The following EDNRA variants were observed in gnomAD, a reference collection of about 807,000 sequenced individuals.
EDNRA encodes endothelin receptor type A, also known as endothelin-1 receptor.
A neutral mutation model predicts 41.4 loss-of-function variants in EDNRA; 11 were observed. The observed-to-expected ratio is 0.27, with a 90% CI of 0.17 to 0.44. EDNRA has a LOEUF of 0.44. Ranked by LOEUF, EDNRA falls within the 20% of genes least tolerant of loss-of-function variation. EDNRA has a pLI of 1.00. For missense variants in EDNRA, 294 were observed against 531.0 expected (o/e 0.55, Z 4.39); for synonymous variants, 172 against 183.0 (o/e 0.94, Z 0.49).
chr4:147,518,782 A>C (rs1233786058), intron 2 of EDNRA, among the ~76,000 whole-genome samples: 1 of 152,238 alleles, frequency 6.6e-6, no homozygotes, highest in African/African-American at 2.4e-5. Flanking sequence ...TTGTCAAGTT[A>C]GTAGGATACT....
chr4:147,536,682 C>T (rs1730932695), intron 5 of EDNRA, among the ~76,000 whole-genome samples: 1 of 152,162 alleles, frequency 6.6e-6, no homozygotes, highest in Non-Finnish European at 1.5e-5. Context: ...TAATGTGAGA[C>T]TTATGCTAGG....
At chr4:147,527,316 A>T (rs1384121522) in intron 3 of EDNRA, among the ~76,000 whole-genome samples, 4 of 152,226 alleles carry the variant, frequency 2.6e-5, no homozygotes, top group African/African-American at 9.6e-5. Flanking sequence ...CAGCTGTGAA[A>T]CACTAGAAAT....
At position 147,519,217 on chromosome 4, in the gene EDNRA, A is replaced by G. The variant is rs1378046509; in HGVS notation, c.421-634A>G. 1.3e-5 allele frequency among the ~76,000 whole-genome samples: 2 copies of G among 152,242 alleles called. No individual in the cohort carries two copies. The highest frequency in any genetic ancestry group is 2.9e-5 in the Non-Finnish European group (2 of 68,040). On this transcript the variant is annotated intron_variant, in intron 2 of 7. Transcript: ENST00000651419. This position sits in a 1 kb window ranked among gnomAD's most constrained non-coding sequence, Gnocchi z 4.1. ...GTCAGCCCCTTAAGCACAGAGGAAA[A>G]TGTAAGTTCAAAGTGGCTTTAGGTG...
rs1283271166 is a variant in EDNRA, at chr4:147,519,533, CTATAA to C, written c.421-313_421-309del. Among the ~76,000 whole-genome samples the C allele has an allele frequency of 7.4e-5, 11 of 148,786 alleles. No homozygotes were observed. In the East Asian group the frequency reaches 1.6e-3, roughly 21 times the overall value. ...TCTGTTATTAAATTGTATTATATAA[CTATAA>C]TATATTTAATATATATGTATTATAT... On this transcript the variant is annotated intron_variant, in intron 2 of 7. Coordinates refer to ENST00000651419, the MANE Select transcript of EDNRA (RefSeq NM_001957.4). This position sits in a 1 kb window ranked among gnomAD's most constrained non-coding sequence, Gnocchi z 4.1.
intron 5 of EDNRA, among the ~76,000 whole-genome samples, chr4:147,536,685 A>T (rs1730932891): frequency 6.6e-6 from 1 of 152,232 alleles, no homozygotes; most frequent in African/African-American, 2.4e-5. Flanking sequence ...TGTGAGACTT[A>T]TGCTAGGAAA....
intron 2 of EDNRA, chr4:147,489,959 C>G (rs755005241): frequency 6.6e-6 from 1 of 152,108 alleles, no homozygotes; most frequent in Non-Finnish European, 1.5e-5. Flanking sequence ...ATCACTACCC[C>G]CAAGGAACAT....
At chr4:147,522,752 ACT>A (rs2126453778) in intron 3 of EDNRA, among the ~76,000 whole-genome samples, 1 of 152,250 alleles carries the variant, frequency 6.6e-6, no homozygotes, top group South Asian at 2.1e-4. Flanking sequence ...AGAAAGCCAA[ACT>A]CTGAATAATA....
intron 5 of EDNRA, 30 bp from the exon 6 acceptor site, chr4:147,539,787 T>A (rs775653525): frequency 6.3e-7 from 1 of 1,599,360 alleles, no homozygotes; most frequent in South Asian, 1.1e-5. Context: ...ACTAAATTTG[T>A]TGTCCTATTT....
At chr4:147,529,574 T>G (rs1730674207) in intron 3 of EDNRA, among the ~76,000 whole-genome samples, 1 of 152,100 alleles carries the variant, frequency 6.6e-6, no homozygotes, top group African/African-American at 2.4e-5. Context: ...GGAAATCAAG[T>G]GAAGAAAGCA....
chr4:147,540,359 C>T lies in EDNRA; in HGVS notation c.1035-18C>T, dbSNP rs1351410027. ...ACAATATATTCTAATTATTCTACACCATTTTCTTTTGCTCTAGTTTCTTAC... is the reference window on the plus strand; with the variant it reads ...ACAATATATTCTAATTATTCTACACTATTTTCTTTTGCTCTAGTTTCTTAC... On this transcript the variant is annotated intron_variant, in intron 6 of 7. Transcript: ENST00000651419. 4 of 1,532,976 alleles carry T rather than the reference C, an allele frequency of 2.6e-6. No homozygotes were observed. Among genetic ancestry groups the T allele is most frequent in the Non-Finnish European group, 2.7e-6 (3 of 1,116,294 alleles). The allele number at this position is 1,532,976 out of a possible 1,614,324, so 95.0% of individuals were successfully genotyped here.
At chr4:147,524,552 A>C (rs1219852837) in intron 3 of EDNRA, among the ~76,000 whole-genome samples, 1 of 152,234 alleles carries the variant, frequency 6.6e-6, no homozygotes, top group Non-Finnish European at 1.5e-5. Context: ...AAAGAAAGTA[A>C]GAAAAAATGA....
At chr4:147,489,027 C>T (rs1331349899) in intron 2 of EDNRA, 1 of 152,146 alleles carries the variant, frequency 6.6e-6, no homozygotes, top group Non-Finnish European at 1.5e-5. Context: ...ATGTGTGAGC[C>T]TTCTTTATTT....
At chr4:147,536,061 A>G (rs1386558931) in intron 5 of EDNRA, 32 bp downstream of exon 5, 1 of 1,612,884 alleles carries the variant, frequency 6.2e-7, no homozygotes, top group South Asian at 1.1e-5. Flanking sequence ...AAATCTGGCC[A>G]GGACTGGTTA....
intron 2 of EDNRA, among the ~76,000 whole-genome samples, chr4:147,497,462 G>T: frequency 6.6e-6 from 1 of 152,026 alleles, no homozygotes; most frequent in Admixed American, 6.5e-5. Context: ...AAACACAGAG[G>T]AATCTAGGCT....
chr4:147,541,586 G>A (rs1182638965), intron 7 of EDNRA, among the ~76,000 whole-genome samples: 4 of 152,144 alleles, frequency 2.6e-5, no homozygotes, highest in African/African-American at 7.2e-5. Context: ...AATAATAAGT[G>A]CTCAATATGA....
chr4:147,506,603 C>A, intron 2 of EDNRA: 1 of 297,076 alleles, frequency 3.4e-6, no homozygotes, highest in South Asian at 4.3e-5. Flanking sequence ...TTAGAAATAT[C>A]AATATTATCA....
chr4:147,542,508 A>G lies in EDNRA; in HGVS notation c.1174A>G (p.Lys392Glu), dbSNP rs1328127839. Residue 392 changes from lysine (K) to glutamate (E), a missense_variant, in exon 8 of 8, where the codon AAA becomes GAA. Physicochemically the swap from Lys to Glu is moderately conservative, Grantham distance 56. Around this residue, in one of 3 missense-constraint regions of EDNRA, gnomAD observed 185 missense variants for 390.8 expected, o/e 0.47. Coordinates refer to ENST00000651419, the MANE Select transcript of EDNRA (RefSeq NM_001957.4). ...SCLCCCCYQS[K>E]SLMTSVPMNG... ...CCTCTGCTGCTGCTGTTACCAGTCC[A>G]AAAGTCTGATGACCTCGGTCCCCAT... 6.2e-7 allele frequency: 1 copy of G among 1,614,160 alleles called. No individual in the cohort carries two copies. The highest frequency in any genetic ancestry group is 1.3e-5 in the African/African-American group (1 of 75,044).
intron 2 of EDNRA, among the ~76,000 whole-genome samples, chr4:147,516,717 T>G (rs988259733): frequency 6.6e-6 from 1 of 152,168 alleles, no homozygotes. Flanking sequence ...TTGGGTTTTG[T>G]TTTGTCTTGT....
chr4:147,482,585 A>G (rs1282934732), intron 1 of EDNRA, among the ~76,000 whole-genome samples: 20 of 152,214 alleles, frequency 1.3e-4, no homozygotes, highest in Non-Finnish European at 1.5e-5. Context: ...TGTACTTTTC[A>G]GCCAATGATA....
Sources: allele counts gnomAD v4.1 joint callset (sites outside exome capture counted in the v4.1 genomes callset), GRCh38; gene constraint gnomAD v4.1.1; regional missense constraint gnomAD v4.1.1; non-coding constraint Gnocchi (gnomAD v3.1); transcripts MANE v1.5; gene names NCBI Gene and HGNC (gene_info 2026-07-23, HGNC 2026-07-21).